Variants in SAMD5 observed in about 807,000 individuals in gnomAD.
SAMD5 encodes the protein sterile alpha motif domain containing 5, also known as sterile alpha motif domain-containing protein 5.
In SAMD5, 13 loss-of-function variants were observed where a neutral mutation model predicts 11.3. That is an observed-to-expected ratio of 1.15 (90% CI 0.75 to 1.83). The LOEUF is 1.83. SAMD5 is among the 40% of genes most tolerant of loss of function. SAMD5 has a pLI of 0.00. For missense variants in SAMD5, 255 were observed against 239.1 expected (o/e 1.07, Z -0.44); for synonymous variants, 129 against 111.3 (o/e 1.16, Z -1.00).
rs189997431 is a variant in SAMD5, at chr6:147,550,548, T to C, written c.460-13846T>C. 1.7e-4 allele frequency among the ~76,000 whole-genome samples: 26 copies of C among 152,310 alleles called. 2 individuals are homozygous for C. In the East Asian group the frequency reaches 2.1e-3, roughly 12 times the overall value. ...CTAGATTAAAAAAATGTGGTATATA[T>C]ACACAATGGAATACCATTCGGCCAT... On this transcript the variant is annotated intron_variant, in intron 1 of 1. Coordinates refer to ENST00000367474, the MANE Select transcript of SAMD5 (RefSeq NM_001030060.3).
At chr6:147,832,475 G>C in the SAMD5 span, among the ~76,000 whole-genome samples, 1 of 152,072 alleles carries the variant, frequency 6.6e-6, no homozygotes, top group Non-Finnish European at 1.5e-5. Flanking sequence ...CAATAAAACT[G>C]TCCCTGCAAT....
chr6:147,798,184 T>G, the SAMD5 span, among the ~76,000 whole-genome samples: 21,262 of 143,086 alleles, frequency 0.15, 1,803 homozygotes, highest in Middle Eastern at 0.23. Flanking sequence ...GGATCTTTCC[T>G]GCTTTCTCTT....
intron 1 of SAMD5, among the ~76,000 whole-genome samples, chr6:147,595,130 C>A (rs1425039829): frequency 6.6e-6 from 1 of 152,186 alleles, no homozygotes; most frequent in African/African-American, 2.4e-5. Flanking sequence ...CAAAATATAA[C>A]GTCTTGAGAG....
the SAMD5 span, among the ~76,000 whole-genome samples, chr6:147,877,881 CGATA>C: frequency 1.2e-5 from 1 of 82,328 alleles, no homozygotes; most frequent in East Asian, 3.5e-4. Flanking sequence ...CACACACACA[CGATA>C]GATAGATAGC....
intron 1 of SAMD5, among the ~76,000 whole-genome samples, chr6:147,705,250 T>A (rs1791310043): frequency 6.6e-6 from 1 of 152,206 alleles, no homozygotes; most frequent in Admixed American, 6.5e-5. Flanking sequence ...GAGTAGAGGA[T>A]ATGTGCTTTC....
intron 1 of SAMD5, among the ~76,000 whole-genome samples, chr6:147,734,593 G>A (rs1417815789): frequency 3.3e-5 from 5 of 151,412 alleles, no homozygotes; most frequent in South Asian, 2.1e-4. Context: ...GGTGTCTGTA[G>A]TCCCAGCTAC....
intron 1 of SAMD5, among the ~76,000 whole-genome samples, chr6:147,563,449 T>C (rs1788986890): frequency 6.6e-6 from 1 of 152,204 alleles, no homozygotes; most frequent in South Asian, 2.1e-4. Context: ...TTCCAAAAGT[T>C]TTCCAATTCA....
At chr6:147,698,501 A>G (rs1362235293) in intron 1 of SAMD5, among the ~76,000 whole-genome samples, 1 of 152,148 alleles carries the variant, frequency 6.6e-6, no homozygotes, top group Non-Finnish European at 1.5e-5. Flanking sequence ...AAAAAATAAT[A>G]TTCAGACTCA....
the SAMD5 span, among the ~76,000 whole-genome samples, chr6:147,880,686 T>C: frequency 2.6e-5 from 4 of 152,192 alleles, no homozygotes; most frequent in African/African-American, 9.7e-5. Context: ...GTGGTTTTAA[T>C]GTCCCAGCTT....
chr6:147,663,195 A>G (rs556731358), intron 1 of SAMD5, among the ~76,000 whole-genome samples: 1 of 152,274 alleles, frequency 6.6e-6, no homozygotes, highest in African/African-American at 2.4e-5. Flanking sequence ...AAAACACTTT[A>G]TTGTTTCTGC....
chr6:147,769,216 G>A, the SAMD5 span, among the ~76,000 whole-genome samples: 10 of 152,166 alleles, frequency 6.6e-5, no homozygotes, highest in African/African-American at 1.9e-4. Flanking sequence ...TGCCTAGTAC[G>A]TATTAGCCAT....
chr6:147,550,635 A>T (rs1319878979), intron 1 of SAMD5, among the ~76,000 whole-genome samples: 3 of 152,200 alleles, frequency 2.0e-5, no homozygotes, highest in Non-Finnish European at 4.4e-5. Context: ...CATTATGTTA[A>T]GTTAAACTAT....
the SAMD5 span, among the ~76,000 whole-genome samples, chr6:147,888,661 T>A: frequency 6.6e-6 from 1 of 152,068 alleles, no homozygotes; most frequent in African/African-American, 2.4e-5. Flanking sequence ...GGCAGATGTA[T>A]CACCTGAGAT....
downstream of SAMD5, among the ~76,000 whole-genome samples, chr6:147,738,080 CA>C (rs1791830556): frequency 6.6e-6 from 1 of 152,100 alleles, no homozygotes. Flanking sequence ...GAAAGGAAGG[CA>C]ACTTTATTGA....
chr6:147,885,763 TG>T, the SAMD5 span, among the ~76,000 whole-genome samples: 1 of 152,118 alleles, frequency 6.6e-6, no homozygotes, highest in Admixed American at 6.5e-5. Flanking sequence ...ACATAAGTAG[TG>T]GGAGAAATCC....
intron 1 of SAMD5, among the ~76,000 whole-genome samples, chr6:147,668,219 T>G (rs927423396): frequency 6.6e-6 from 1 of 152,220 alleles, no homozygotes; most frequent in Non-Finnish European, 1.5e-5. Context: ...TGCATCTATA[T>G]ACATACGCAC....
At chr6:147,642,743 TA>T (rs1218485058) in intron 1 of SAMD5, among the ~76,000 whole-genome samples, 2 of 152,324 alleles carry the variant, frequency 1.3e-5, no homozygotes, top group Admixed American at 1.3e-4. Flanking sequence ...AGTCTTACTA[TA>T]AATAATCCCA....
At chr6:147,768,423 G>A in the SAMD5 span, among the ~76,000 whole-genome samples, 7 of 152,068 alleles carry the variant, frequency 4.6e-5, no homozygotes, top group African/African-American at 7.2e-5. Flanking sequence ...ACTTGAACCC[G>A]GGAGGCGGAG....
Position 147,568,205 on chromosome 6 carries a change from C to A in SAMD5, c.*3749C>A. ...AGATACAAAGCAGATGATGGTGGAT[C>A]GGCAAACTCTTTTCTATGAAAAGAA... On this transcript the variant is annotated 3_prime_UTR_variant, in exon 2 of 2. Coordinates refer to ENST00000367474, the MANE Select transcript of SAMD5 (RefSeq NM_001030060.3). 1.0e-6 allele frequency: 1 copy of A among 985,278 alleles called. No homozygotes were observed. Among genetic ancestry groups the A allele is most frequent in the Non-Finnish European group, 1.2e-6 (1 of 829,902 alleles). The allele number at this position is 985,278 out of a possible 1,614,324, so 61.0% of individuals were successfully genotyped here.
Sources: allele counts gnomAD v4.1 joint callset (sites outside exome capture counted in the v4.1 genomes callset), GRCh38; gene constraint gnomAD v4.1.1; transcripts MANE v1.5; gene names NCBI Gene and HGNC (gene_info 2026-07-23, HGNC 2026-07-21).